The following ANKS1B variants were observed in gnomAD, a reference collection of about 807,000 sequenced individuals.
The protein encoded by ANKS1B is ankyrin repeat and sterile alpha motif domain containing 1B.
ANKS1B carries 36 observed loss-of-function variants against 148.3 expected under a neutral mutation model. The observed-to-expected ratio is 0.24, with a 90% CI of 0.19 to 0.32. The LOEUF is 0.32. ANKS1B is among the 10% of genes least tolerant of loss of function. The pLI, the probability that ANKS1B is intolerant of heterozygous loss-of-function variation, is 1.00. For missense variants in ANKS1B, 1,157 were observed against 1,542.6 expected, an observed-to-expected ratio of 0.75 and a Z score of 4.19; for synonymous variants, 542 against 560.8, an observed-to-expected ratio of 0.97 and a Z score of 0.47.
At chr12:98,809,918 G>C (rs973505053) in intron 19 of ANKS1B, among the ~76,000 whole-genome samples, 4 of 152,116 alleles carry the variant, frequency 2.6e-5, no homozygotes, top group African/African-American at 9.7e-5. Context: ...TGACAGAACA[G>C]TCTCTTTGTG....
At chr12:99,348,361 C>T (rs10860424) in intron 12 of ANKS1B, among the ~76,000 whole-genome samples, 66,343 of 151,350 alleles carry the variant, frequency 0.44, 15,810 homozygotes, top group African/African-American at 0.63. Context: ...CTGAACAAAT[C>T]GAGTCTTCCT....
chr12:99,344,316 T>C (rs182354872), intron 12 of ANKS1B, among the ~76,000 whole-genome samples: 1 of 152,204 alleles, frequency 6.6e-6, no homozygotes, highest in East Asian at 1.9e-4. Context: ...GCTTCCCTGT[T>C]TCTGACAAGC....
chr12:99,760,047 T>C (rs2061939367), intron 8 of ANKS1B, among the ~76,000 whole-genome samples: 1 of 151,828 alleles, frequency 6.6e-6, no homozygotes, highest in Admixed American at 6.6e-5. Flanking sequence ...AACATAAAAA[T>C]TAAAATATTT....
intron 19 of ANKS1B, among the ~76,000 whole-genome samples, chr12:98,815,482 T>G (rs892518183): frequency 6.6e-6 from 1 of 152,174 alleles, no homozygotes; most frequent in Non-Finnish European, 1.5e-5. Context: ...CTCTTCCAGT[T>G]GTGACTCCCA....
intron 16 of ANKS1B, among the ~76,000 whole-genome samples, chr12:99,058,581 G>A (rs1193973917): frequency 1.3e-5 from 2 of 151,910 alleles, no homozygotes; most frequent in African/African-American, 4.8e-5. Flanking sequence ...CCTAAACTAA[G>A]TAATTCTTTA....
chr12:99,286,682 G>A (rs1037126746), intron 12 of ANKS1B, among the ~76,000 whole-genome samples: 6 of 152,248 alleles, frequency 3.9e-5, no homozygotes, highest in East Asian at 1.9e-4. Context: ...CTACTGTTCC[G>A]AAGGGAGAGA....
rs2083050057 is a variant in ANKS1B at position 99,825,294 on chromosome 12, A to G, written c.215+15T>C. 6.2e-7 allele frequency: 1 copy of G among 1,603,298 alleles called. No individual in the cohort carries two copies. Among genetic ancestry groups the G allele is most frequent in the African/African-American group, 1.3e-5 (1 of 74,702 alleles). The stretch of plus-strand genomic sequence containing the variant: ...ACTAAATACACACGATTCCGTCCAA[A>G]TAAGTGGCACTTACTTATGTCCATT... On this transcript the variant is annotated intron_variant, in intron 2 of 26. Coordinates refer to ENST00000683438, the MANE Select transcript of ANKS1B (RefSeq NM_001352186.2).
chr12:99,411,157 AT>A (rs1267893557), intron 11 of ANKS1B, among the ~76,000 whole-genome samples: 1 of 152,098 alleles, frequency 6.6e-6, no homozygotes, highest in East Asian at 1.9e-4. Context: ...CACATGTTCA[AT>A]TTTCCCATAA....
intron 12 of ANKS1B, among the ~76,000 whole-genome samples, chr12:99,330,948 A>AG (rs2087413068): frequency 6.6e-6 from 1 of 152,006 alleles, no homozygotes; most frequent in African/African-American, 2.4e-5. Flanking sequence ...GAAACATGAA[A>AG]GTGTGTGACC....
intron 10 of ANKS1B, among the ~76,000 whole-genome samples, chr12:99,459,691 CA>C (rs1455059396): frequency 1.3e-5 from 2 of 151,502 alleles, no homozygotes; most frequent in African/African-American, 2.4e-5. Context: ...GGAATATACT[CA>C]ACCAAAGAGG....
At chr12:99,105,908 G>A (rs2059108553) in intron 15 of ANKS1B, among the ~76,000 whole-genome samples, 2 of 152,166 alleles carry the variant, frequency 1.3e-5, no homozygotes, top group Admixed American at 1.3e-4. Flanking sequence ...GTTAAGGAGT[G>A]AGAGAACTGG....
At chr12:99,155,813 C>T (rs1221405674) in intron 14 of ANKS1B, among the ~76,000 whole-genome samples, 3 of 152,146 alleles carry the variant, frequency 2.0e-5, no homozygotes, top group African/African-American at 4.8e-5. Flanking sequence ...CTTCCAACTT[C>T]TACTTGAATA....
At chr12:99,554,896 G>C (rs574744280) in intron 9 of ANKS1B, among the ~76,000 whole-genome samples, 159 of 152,016 alleles carry the variant, frequency 1.0e-3, no homozygotes, top group Admixed American at 1.7e-3. Flanking sequence ...TCCCTTCTTT[G>C]TGTCCACGTG....
intron 12 of ANKS1B, among the ~76,000 whole-genome samples, chr12:99,298,992 T>C (rs2081261071): frequency 6.6e-6 from 1 of 152,100 alleles, no homozygotes; most frequent in Non-Finnish European, 1.5e-5. Context: ...ATAGCTGACC[T>C]GTCAGTTATT....
intron 17 of ANKS1B, among the ~76,000 whole-genome samples, chr12:98,862,373 G>A (rs1567267703): frequency 6.6e-6 from 1 of 152,086 alleles, no homozygotes; most frequent in Non-Finnish European, 1.5e-5. Flanking sequence ...TTCTCAAAGG[G>A]TTGTTTGTGT....
chr12:99,249,397 A>G (rs1409663251), intron 12 of ANKS1B, among the ~76,000 whole-genome samples: 8 of 152,138 alleles, frequency 5.3e-5, no homozygotes, highest in Non-Finnish European at 1.2e-4. Flanking sequence ...TATAATTACC[A>G]CCCCACAATG....
chr12:98,860,371 TTGTC>T (rs1423820857), intron 17 of ANKS1B, among the ~76,000 whole-genome samples: 2 of 152,246 alleles, frequency 1.3e-5, no homozygotes, highest in Non-Finnish European at 2.9e-5. Flanking sequence ...TGACCCTTTG[TTGTC>T]TATCTCTGCT....
At chr12:99,142,450 A>C (rs1328214222) in intron 15 of ANKS1B, among the ~76,000 whole-genome samples, 1 of 152,078 alleles carries the variant, frequency 6.6e-6, no homozygotes, top group Admixed American at 6.6e-5. Context: ...AAGAAGAGTA[A>C]GTGGATAGTG....
intron 8 of ANKS1B, among the ~76,000 whole-genome samples, chr12:99,762,209 C>T (rs1567799590): frequency 6.6e-6 from 1 of 151,974 alleles, no homozygotes; most frequent in Admixed American, 6.6e-5. Flanking sequence ...CTAAAATTCA[C>T]ATGGAATCAA....
Sources: allele counts gnomAD v4.1 joint callset (sites outside exome capture counted in the v4.1 genomes callset), GRCh38; gene constraint gnomAD v4.1.1; transcripts MANE v1.5; gene names NCBI Gene and HGNC (gene_info 2026-07-23, HGNC 2026-07-21).